The following AK7 variants were observed in gnomAD, a reference collection of about 807,000 sequenced individuals.
AK7 encodes adenylate kinase 7, also known as ATP-AMP transphosphorylase 7.
A neutral mutation model predicts 96.6 loss-of-function variants in AK7; 78 were observed. The observed-to-expected ratio is 0.81, with a 90% CI of 0.67 to 0.97. The LOEUF (loss-of-function observed/expected upper bound fraction) is 0.97. Ranked by LOEUF, AK7 falls within the 50% of genes least tolerant of loss-of-function variation. The pLI is 0.00. For missense variants in AK7, 855 were observed against 887.9 expected (o/e 0.96, Z 0.47); for synonymous variants, 302 against 317.2 (o/e 0.95, Z 0.51).
At chr14:96,401,273 C>G (rs979845293) in intron 2 of AK7, among the ~76,000 whole-genome samples, 2 of 152,150 alleles carry the variant, frequency 1.3e-5, no homozygotes, top group Non-Finnish European at 2.9e-5. Context: ...GAAAGGGGCA[C>G]CTAAGGAATT....
chr14:96,410,832 G>A (rs984566610), intron 4 of AK7, among the ~76,000 whole-genome samples: 3 of 151,872 alleles, frequency 2.0e-5, no homozygotes, highest in South Asian at 2.1e-4. Flanking sequence ...GCGAAACCAC[G>A]TCTCTACAAA....
At chr14:96,422,017 G>T (rs1891731638) in intron 5 of AK7, among the ~76,000 whole-genome samples, 2 of 152,176 alleles carry the variant, frequency 1.3e-5, no homozygotes, top group Non-Finnish European at 2.9e-5. Context: ...ACACAAGATA[G>T]TGAAAGCTGG....
chr14:96,446,656 G>A (rs1312977293), intron 8 of AK7, 49 bp downstream of exon 8: 1 of 1,565,942 alleles, frequency 6.4e-7, no homozygotes, highest in South Asian at 1.1e-5. Context: ...AAATAGTTTT[G>A]CTGGCTGGGC....
At position 96,483,002 on chromosome 14, in the gene AK7, T is replaced by C. The variant is rs1829653066; in HGVS notation, c.1757T>C (p.Val586Ala). 1 of 1,612,586 alleles carries C rather than the reference T, an allele frequency of 6.2e-7. No homozygotes were observed. The change falls in exon 16 of 18, where the codon GTA (valine) becomes GCA (alanine). Residue 586 changes from valine (V) to alanine (A), a missense_variant. Coordinates refer to ENST00000267584, the MANE Select transcript of AK7 (RefSeq NM_152327.5). ...ATCTCTCTCCTGGTATTTAAAGATG[T>C]AGGAAAACTTGAAGATGCTCAGAAT... is the stretch of plus-strand genomic sequence containing the variant. ...ELEIHPIHID[V>A]GKLEDAQNRL...
intron 9 of AK7, among the ~76,000 whole-genome samples, chr14:96,450,587 G>A (rs1318855426): frequency 6.6e-6 from 1 of 150,798 alleles, no homozygotes; most frequent in African/African-American, 2.4e-5. Flanking sequence ...AAAAAATAGG[G>A]TTTTTTGCAG....
At chr14:96,459,066 G>A (rs965732450) in intron 12 of AK7, among the ~76,000 whole-genome samples, 25 of 151,908 alleles carry the variant, frequency 1.6e-4, no homozygotes, top group African/African-American at 5.3e-4. Context: ...GGCTGTGCCC[G>A]GTGGCTCACA....
intron 1 of AK7, among the ~76,000 whole-genome samples, chr14:96,394,873 G>A (rs536440863): frequency 9.2e-5 from 14 of 152,280 alleles, no homozygotes; most frequent in South Asian, 6.2e-4. Context: ...CTACTCCAGA[G>A]GCCGAGGCAG....
intron 8 of AK7, 30 bp from the exon 9 acceptor site, chr14:96,449,772 C>G (rs1287399680): frequency 6.5e-7 from 1 of 1,544,750 alleles, no homozygotes; most frequent in South Asian, 1.1e-5. Flanking sequence ...TCCAGGTAAA[C>G]CAACTAATAT....
intron 12 of AK7, among the ~76,000 whole-genome samples, chr14:96,469,622 C>T (rs1180146284): frequency 1.3e-5 from 2 of 152,152 alleles, no homozygotes; most frequent in East Asian, 1.9e-4. Context: ...TCTTGGCACC[C>T]CTGTGAACCT....
Position 96,472,563 on chromosome 14 carries a change from A to G in AK7, c.1487-124A>G, listed in dbSNP as rs1044561396. The G allele has an allele frequency of 1.3e-4, 83 of 655,154 alleles. No individual in the cohort carries two copies. The Middle Eastern group carries it at 1.3e-3, about 10-fold the overall frequency. The allele number at this position is 655,154 out of a possible 1,614,324, so 40.6% of individuals were successfully genotyped here. A position where few individuals can be genotyped will look rare whatever the true frequency, so the allele number is the denominator to read the frequency against. ...TTTAGTTTGTGAGACTATTTCTAAA[A>G]TACATGTGCTATTTATGGCTAGTTT... is the stretch of plus-strand genomic sequence containing the variant. On this transcript the variant is annotated intron_variant, in intron 13 of 17. Coordinates refer to ENST00000267584, the MANE Select transcript of AK7 (RefSeq NM_152327.5).
Position 96,478,514 on chromosome 14 carries a change from G to A in AK7, c.1605G>A (p.Val535=), listed in dbSNP as rs755036602. 18 of 1,614,192 alleles carry A rather than the reference G, an allele frequency of 1.1e-5. No individual in the cohort carries two copies. The South Asian group carries it at 1.2e-4, about 11-fold the overall frequency. Residue 535 remains valine (V), a synonymous_variant, in exon 15 of 18, where the codon GTG becomes GTA. Transcript: ENST00000267584. ...DASDEFLKER[V]INLPESIVAG... Reference sequence around the variant, plus strand: ...CGGATGAGTTTCTGAAGGAGCGTGTGATAAACCTTCCTGAGAGCATCGTGG... The same window carrying A: ...CGGATGAGTTTCTGAAGGAGCGTGTAATAAACCTTCCTGAGAGCATCGTGG...
intron 7 of AK7, among the ~76,000 whole-genome samples, chr14:96,443,024 C>T (rs951223666): frequency 1.3e-5 from 2 of 152,178 alleles, no homozygotes; most frequent in African/African-American, 4.8e-5. Context: ...TTCTACATTT[C>T]TGGTGACAAG....
intron 5 of AK7, among the ~76,000 whole-genome samples, chr14:96,433,553 T>C (rs1409250277): frequency 6.8e-6 from 1 of 147,554 alleles, no homozygotes; most frequent in African/African-American, 2.5e-5. Context: ...ACACTGTTTA[T>C]TCTAGTTAGC....
rs543786636 is a variant in AK7, at chr14:96,488,944, A to G, written c.*601A>G. On this transcript the variant is annotated 3_prime_UTR_variant, in exon 18 of 18. Coordinates refer to ENST00000267584, the MANE Select transcript of AK7 (RefSeq NM_152327.5). ...TAAACCTTTAGGCGGAGAAATCTGC[A>G]TAACAGGATAATTCCAATCTTTGTG... 7.2e-5 allele frequency: 11 copies of G among 152,126 alleles called. No individual in the cohort carries two copies. The highest frequency in any genetic ancestry group is 1.3e-4 in the Admixed American group (2 of 15,250). The allele number at this position is 152,126 out of a possible 1,614,324, so 9.4% of individuals were successfully genotyped here. A position where few individuals can be genotyped will look rare whatever the true frequency, so the allele number is the denominator to read the frequency against.
chr14:96,404,945 TAG>T, intron 3 of AK7, 80 bp downstream of exon 3: 1 of 948,396 alleles, frequency 1.1e-6, no homozygotes, highest in African/African-American at 1.6e-5. Flanking sequence ...CTAGGAACAC[TAG>T]ACAAAGTAGG....
intron 9 of AK7, 42 bp from the exon 10 acceptor site, chr14:96,451,379 A>G: frequency 6.7e-7 from 1 of 1,498,464 alleles, no homozygotes; most frequent in Non-Finnish European, 8.9e-7. Context: ...AGTCAGAATT[A>G]AACAAAAAAA....
chr14:96,439,393 G>C (rs561870116), intron 6 of AK7, among the ~76,000 whole-genome samples: 9 of 152,066 alleles, frequency 5.9e-5, no homozygotes, highest in Non-Finnish European at 5.9e-5. Flanking sequence ...AATATTTTTG[G>C]CCGACTCACG....
chr14:96,474,868 T>C lies in AK7; in HGVS notation c.1555+2113T>C, dbSNP rs113744402. Among the ~76,000 whole-genome samples the C allele has an allele frequency of 2.2e-3, 328 of 152,356 alleles. 2 individuals carry two copies. The highest frequency in any genetic ancestry group is 7.5e-3 in the African/African-American group (311 of 41,586). ...ATGTGCCAGGCACTCATTGAACCTT[T>C]CCACAATCCTGCAAGGCAGGAATTA... On this transcript the variant is annotated intron_variant, in intron 14 of 17. Transcript: ENST00000267584.
intron 7 of AK7, among the ~76,000 whole-genome samples, chr14:96,445,440 G>T (rs558441058): frequency 5.3e-5 from 8 of 152,060 alleles, no homozygotes; most frequent in Non-Finnish European, 8.8e-5. Flanking sequence ...TGGGAGGTTC[G>T]CCTGAGCCGA....
Sources: gnomAD v4.1 joint callset for allele counts (sites outside exome capture counted in the v4.1 genomes callset) on GRCh38, gnomAD v4.1.1 for gene constraint, MANE v1.5 for transcripts, NCBI Gene and HGNC (gene_info 2026-07-23, HGNC 2026-07-21) for gene names.